Variants in HS3ST3B1 observed in about 807,000 individuals in gnomAD.
HS3ST3B1 encodes heparan sulfate glucosamine 3-O-sulfotransferase 3B1.
HS3ST3B1 carries 13 observed loss-of-function variants against 21.3 expected under a neutral mutation model. That is an observed-to-expected ratio of 0.61 (90% CI 0.40 to 0.97). The LOEUF is 0.97. Ranked by LOEUF, HS3ST3B1 falls within the 50% of genes least tolerant of loss-of-function variation. The pLI, the probability that HS3ST3B1 is intolerant of heterozygous loss-of-function variation, is 0.00. For synonymous variants in HS3ST3B1, 234 were observed against 254.8 expected (o/e 0.92, Z 0.78); for missense variants, 459 against 554.8 (o/e 0.83, Z 1.73).
At chr17:14,325,813 G>A (rs112730731) in intron 1 of HS3ST3B1, among the ~76,000 whole-genome samples, 174 of 152,284 alleles carry the variant, frequency 1.1e-3, no homozygotes, top group African/African-American at 3.9e-3. Flanking sequence ...TTTTGATGCC[G>A]CCAACCTCCT....
rs371310950 is a variant in HS3ST3B1, at chr17:14,311,688, T to C, written c.554+9616T>C. The stretch of plus-strand genomic sequence containing the variant: ...ACCTCAAAAATCCCGTCGGTGCACT[T>C]GCTCTTATCAAGTACAAGGCAGCAC... On this transcript the variant is annotated intron_variant, in intron 1 of 1. Coordinates refer to ENST00000360954, the MANE Select transcript of HS3ST3B1 (RefSeq NM_006041.3). 1.1e-4 allele frequency among the ~76,000 whole-genome samples: 17 copies of C among 152,334 alleles called. No individual in the cohort carries two copies. In the East Asian group the frequency reaches 1.4e-3, roughly 12 times the overall value.
At chr17:14,315,946 A>T (rs745906789) in intron 1 of HS3ST3B1, among the ~76,000 whole-genome samples, 14 of 152,184 alleles carry the variant, frequency 9.2e-5, no homozygotes, top group Non-Finnish European at 2.1e-4. Flanking sequence ...AAGTAAATAA[A>T]TGTTTGTTTC....
intron 1 of HS3ST3B1, among the ~76,000 whole-genome samples, chr17:14,342,517 AAACTGTGTATTGAGC>A (rs1459007174): frequency 6.6e-6 from 1 of 152,216 alleles, no homozygotes; most frequent in African/African-American, 2.4e-5. Flanking sequence ...GATATGCCGT[AAACTGTGTATTGAGC>A]AACTTAATAA....
chr17:14,346,366 C>G lies in HS3ST3B1; in HGVS notation c.*720C>G, dbSNP rs1910578418. On this transcript the variant is annotated 3_prime_UTR_variant, in exon 2 of 2. Coordinates refer to ENST00000360954, the MANE Select transcript of HS3ST3B1 (RefSeq NM_006041.3). ...CTCCCGGTTCAAGCGATTCTCCTGT[C>G]TCAGCCTCCCAAGTATCTGGGATTA... 2 of 142,984 alleles carry G rather than the reference C, an allele frequency of 1.4e-5. No individual in the cohort carries two copies. Among genetic ancestry groups the G allele is most frequent in the Admixed American group, 7.6e-5 (1 of 13,086 alleles). 8.9% of individuals were successfully genotyped at this position (142,984 alleles called of 1,614,324 possible).
intron 1 of HS3ST3B1, among the ~76,000 whole-genome samples, chr17:14,344,033 A>T (rs1344628273): frequency 1.3e-5 from 2 of 151,602 alleles, no homozygotes; most frequent in African/African-American, 4.9e-5. Context: ...AGTAGCTGGG[A>T]TTCCAGACAT....
In HS3ST3B1 at chr17:14,301,182, G is replaced by C. The variant is rs1908901179; in HGVS notation, c.-337G>C. The C allele has an allele frequency of 5.4e-6, 2 of 373,544 alleles. No individual in the cohort carries two copies. Among genetic ancestry groups the C allele is most frequent in the South Asian group, 4.7e-5 (1 of 21,200 alleles). The allele number at this position is 373,544 out of a possible 1,614,324, so 23.1% of individuals were successfully genotyped here. On this transcript the variant is annotated 5_prime_UTR_variant, in exon 1 of 2. Coordinates refer to ENST00000360954, the MANE Select transcript of HS3ST3B1 (RefSeq NM_006041.3). ...GCCCCGGCGTGCGGCGGTGCGCACA[G>C]TCTAGAGTGGCCAGGGCGCGAGAGT...
At chr17:14,344,172 T>C (rs1201385039) in intron 1 of HS3ST3B1, among the ~76,000 whole-genome samples, 1 of 152,244 alleles carries the variant, frequency 6.6e-6, no homozygotes, top group Non-Finnish European at 1.5e-5. Context: ...AGTGCTGGGA[T>C]TAATGGCGTG....
intron 1 of HS3ST3B1, among the ~76,000 whole-genome samples, chr17:14,310,287 C>G (rs1032640714): frequency 6.6e-6 from 1 of 152,138 alleles, no homozygotes; most frequent in Non-Finnish European, 1.5e-5. Context: ...CCAGGCTCGT[C>G]CTCCTAACCC....
At chr17:14,307,462 G>A (rs1002793133) in intron 1 of HS3ST3B1, among the ~76,000 whole-genome samples, 8 of 151,006 alleles carry the variant, frequency 5.3e-5, no homozygotes, top group East Asian at 1.9e-4. Context: ...GTCATATAAC[G>A]TCATTCCACA....
At chr17:14,337,494 ATT>A (rs5819471) in intron 1 of HS3ST3B1, among the ~76,000 whole-genome samples, 3 of 140,914 alleles carry the variant, frequency 2.1e-5, no homozygotes, top group Non-Finnish European at 3.1e-5. Flanking sequence ...TGCCTGGCTA[ATT>A]TTTTTTTTTT....
chr17:14,341,318 C>T (rs755098247), intron 1 of HS3ST3B1, among the ~76,000 whole-genome samples: 9 of 152,192 alleles, frequency 5.9e-5, no homozygotes, highest in Non-Finnish European at 7.4e-5. Flanking sequence ...TAGCCTCTTC[C>T]AGGAGCCAAA....
intron 1 of HS3ST3B1, chr17:14,304,420 A>G (rs540630680): frequency 1.3e-5 from 2 of 152,390 alleles, no homozygotes; most frequent in African/African-American, 4.8e-5. Flanking sequence ...GGGGAAAAAA[A>G]TCTTTTAAAT....
At chr17:14,322,850 G>A (rs1597593820) in intron 1 of HS3ST3B1, among the ~76,000 whole-genome samples, 1 of 150,582 alleles carries the variant, frequency 6.6e-6, no homozygotes, top group South Asian at 2.1e-4. Flanking sequence ...CAGTTGCTCT[G>A]GAGTCTGTGA....
intron 1 of HS3ST3B1, among the ~76,000 whole-genome samples, chr17:14,336,566 C>G (rs1910191207): frequency 6.6e-6 from 1 of 152,134 alleles, no homozygotes; most frequent in Non-Finnish European, 1.5e-5. Context: ...CTCCAAAGCC[C>G]TGGGACCGCC....
chr17:14,309,999 T>C (rs1909256148), intron 1 of HS3ST3B1, among the ~76,000 whole-genome samples: 1 of 152,232 alleles, frequency 6.6e-6, no homozygotes, highest in South Asian at 2.1e-4. Context: ...CCCGTTTCTC[T>C]TTGGGGGGAA....
At chr17:14,313,115 T>TATATATATAC (rs1909377171) in intron 1 of HS3ST3B1, among the ~76,000 whole-genome samples, 7 of 147,158 alleles carry the variant, frequency 4.8e-5, no homozygotes, top group South Asian at 2.2e-4. Context: ...TGTGTATATA[T>TATATATATAC]ATATATATGT....
At chr17:14,328,242 A>G (rs1909878344) in intron 1 of HS3ST3B1, 1 of 152,214 alleles carries the variant, frequency 6.6e-6, no homozygotes, top group African/African-American at 2.4e-5. Flanking sequence ...TCAGGCCTCC[A>G]ATGCTTTCCT....
In HS3ST3B1 at chr17:14,349,236, C is replaced by T. The variant is rs1284429996; in HGVS notation, c.*3590C>T. 1 of 151,984 alleles carries T rather than the reference C, an allele frequency of 6.6e-6. No homozygotes were observed. The highest frequency in any genetic ancestry group is 6.6e-5 in the Admixed American group (1 of 15,260). 9.4% of individuals were successfully genotyped at this position (151,984 alleles called of 1,614,324 possible). ...TGTGCAAATTCTAGCAGTATGTCTTCGATAACTTGGATGTTAGGATAGCCA... is the reference window on the plus strand; with the variant it reads ...TGTGCAAATTCTAGCAGTATGTCTTTGATAACTTGGATGTTAGGATAGCCA... On this transcript the variant is annotated 3_prime_UTR_variant, in exon 2 of 2. Coordinates refer to ENST00000360954, the MANE Select transcript of HS3ST3B1 (RefSeq NM_006041.3).
chr17:14,345,737 A>G lies in HS3ST3B1; in HGVS notation c.*91A>G. 7.0e-7 allele frequency: 1 copy of G among 1,434,594 alleles called. No individual in the cohort carries two copies. Among genetic ancestry groups the G allele is most frequent in the Non-Finnish European group, 9.3e-7 (1 of 1,078,216 alleles). 88.9% of individuals were successfully genotyped at this position (1,434,594 alleles called of 1,614,324 possible). ...ATGTACAGAAATCTATTTTATAATA[A>G]TTTATTTTTAATTCATAAGCAATTA... On this transcript the variant is annotated 3_prime_UTR_variant, in exon 2 of 2. Transcript: ENST00000360954.
Sources: allele counts gnomAD v4.1 joint callset (sites outside exome capture counted in the v4.1 genomes callset), GRCh38; gene constraint gnomAD v4.1.1; transcripts MANE v1.5; gene names NCBI Gene and HGNC (gene_info 2026-07-23, HGNC 2026-07-21).